Variants in CNTNAP2 observed in about 807,000 individuals in gnomAD.
CNTNAP2 encodes contactin associated protein 2, also known as contactin-associated protein-like 2.
CNTNAP2 carries 98 observed loss-of-function variants against 155.2 expected under a neutral mutation model. The observed-to-expected ratio is 0.63, with a 90% CI of 0.54 to 0.75. The LOEUF is 0.75. Ranked by LOEUF, CNTNAP2 falls within the 30% of genes least tolerant of loss-of-function variation. The pLI is 0.00. For synonymous variants in CNTNAP2, 651 were observed against 631.2 expected, an observed-to-expected ratio of 1.03 and a Z score of -0.47; for missense variants, 1,727 against 1,688.1, an observed-to-expected ratio of 1.02 and a Z score of -0.40.
At chr7:147,926,067 A>T (rs1800392314) in intron 14 of CNTNAP2, among the ~76,000 whole-genome samples, 1 of 152,198 alleles carries the variant, frequency 6.6e-6, no homozygotes, top group African/African-American at 2.4e-5. Context: ...AATATATTTA[A>T]TTACGCTCTA....
chr7:147,792,522 A>G (rs1584957550), intron 13 of CNTNAP2, among the ~76,000 whole-genome samples: 1 of 151,950 alleles, frequency 6.6e-6, no homozygotes, highest in East Asian at 1.9e-4. Flanking sequence ...GTGTATATAT[A>G]TATATCTTAG....
chr7:147,516,955 G>A (rs954156157), intron 11 of CNTNAP2, among the ~76,000 whole-genome samples: 9 of 148,376 alleles, frequency 6.1e-5, no homozygotes, highest in East Asian at 2.0e-4. Context: ...ACTGCCTCCC[G>A]GATTCAAGCG....
At chr7:148,345,882 G>A (rs906158314) in intron 21 of CNTNAP2, among the ~76,000 whole-genome samples, 1 of 152,030 alleles carries the variant, frequency 6.6e-6, no homozygotes, top group Non-Finnish European at 1.5e-5. Flanking sequence ...GATGTAAATA[G>A]TACTTAGCAG....
chr7:146,351,537 A>C (rs1234655159), intron 1 of CNTNAP2, among the ~76,000 whole-genome samples: 1 of 152,204 alleles, frequency 6.6e-6, no homozygotes, highest in African/African-American at 2.4e-5. Context: ...ATGTAACATG[A>C]ATACTCTTAT....
At chr7:146,195,847 C>T (rs1406719308) in intron 1 of CNTNAP2, among the ~76,000 whole-genome samples, 1 of 152,118 alleles carries the variant, frequency 6.6e-6, no homozygotes, top group Non-Finnish European at 1.5e-5. Flanking sequence ...TTGTATTTAC[C>T]ACATCATTTA....
At chr7:147,072,369 A>G (rs569775711) in intron 4 of CNTNAP2, among the ~76,000 whole-genome samples, 2 of 152,174 alleles carry the variant, frequency 1.3e-5, no homozygotes, top group South Asian at 2.1e-4. Flanking sequence ...CCACCAAACT[A>G]TCTTAAGCCA....
At chr7:148,307,510 G>T (rs2116510787) in intron 21 of CNTNAP2, among the ~76,000 whole-genome samples, 1 of 152,254 alleles carries the variant, frequency 6.6e-6, no homozygotes, top group South Asian at 2.1e-4. Context: ...TAAAAAGGTT[G>T]TTATCATCCC....
intron 13 of CNTNAP2, among the ~76,000 whole-genome samples, chr7:147,748,510 T>G (rs984256280): frequency 6.6e-6 from 1 of 152,184 alleles, no homozygotes; most frequent in Non-Finnish European, 1.5e-5. Flanking sequence ...ATTTTAGGTT[T>G]CATAAAATTA....
intron 8 of CNTNAP2, among the ~76,000 whole-genome samples, chr7:147,219,852 T>C (rs1803353836): frequency 6.6e-6 from 1 of 151,998 alleles, no homozygotes; most frequent in Non-Finnish European, 1.5e-5. Context: ...CTCGGCTCAC[T>C]GCAAGCTCCG....
At chr7:147,145,203 AAAT>A (rs1801677507) in intron 8 of CNTNAP2, among the ~76,000 whole-genome samples, 2 of 152,208 alleles carry the variant, frequency 1.3e-5, no homozygotes, top group Admixed American at 6.5e-5. Flanking sequence ...AAACCATGAC[AAAT>A]AATGCAGGCA....
At chr7:146,228,031 A>G (rs2430324) in intron 1 of CNTNAP2, among the ~76,000 whole-genome samples, 106,376 of 152,086 alleles carry the variant, frequency 0.7, 38,056 homozygotes, top group East Asian at 0.94. Context: ...CATGCACTCC[A>G]TCTTTGCACC....
intron 1 of CNTNAP2, among the ~76,000 whole-genome samples, chr7:146,234,188 G>T (rs1470376303): frequency 6.6e-6 from 1 of 151,486 alleles, no homozygotes; most frequent in Non-Finnish European, 1.5e-5. Flanking sequence ...TCTCATTGTG[G>T]TTTTGATTTG....
intron 1 of CNTNAP2, among the ~76,000 whole-genome samples, chr7:146,569,988 A>G (rs762510971): frequency 1.1e-4 from 17 of 152,328 alleles, no homozygotes; most frequent in Middle Eastern, 3.4e-3. Flanking sequence ...GGCTACGTGT[A>G]TATATCTTTT....
Position 147,248,701 on chromosome 7 carries a change from C to T in CNTNAP2, c.1349-51440C>T, listed in dbSNP as rs376798346. Among the ~76,000 whole-genome samples the T allele has an allele frequency of 1.0e-3, 159 of 152,296 alleles. 1 individual carries two copies. The highest frequency in any genetic ancestry group is 3.7e-3 in the African/African-American group (152 of 41,552). Reference sequence around the variant, plus strand: ...CATGCCCATAGTCTTGCTATTTAAACAATGATTATTAGGCCACTCCAGTGA... The same window carrying T: ...CATGCCCATAGTCTTGCTATTTAAATAATGATTATTAGGCCACTCCAGTGA... On this transcript the variant is annotated intron_variant, in intron 8 of 23. Coordinates refer to ENST00000361727, the MANE Select transcript of CNTNAP2 (RefSeq NM_014141.6).
chr7:146,259,754 G>A (rs1322798971), intron 1 of CNTNAP2, among the ~76,000 whole-genome samples: 5 of 152,186 alleles, frequency 3.3e-5, no homozygotes, highest in African/African-American at 1.2e-4. Flanking sequence ...GGAAAGCAGA[G>A]CATAAAAGTT....
intron 15 of CNTNAP2, among the ~76,000 whole-genome samples, chr7:148,094,679 C>T (rs898218226): frequency 1.3e-5 from 2 of 152,132 alleles, no homozygotes; most frequent in Non-Finnish European, 2.9e-5. Context: ...TTAGAAGAGA[C>T]CCTGAAGTTT....
At chr7:147,864,766 A>G (rs924887651) in intron 13 of CNTNAP2, among the ~76,000 whole-genome samples, 2 of 152,274 alleles carry the variant, frequency 1.3e-5, no homozygotes, top group African/African-American at 4.8e-5. Flanking sequence ...TGATTTTTGC[A>G]CATTGATTTT....
chr7:146,461,283 T>C (rs1055594345), intron 1 of CNTNAP2, among the ~76,000 whole-genome samples: 17 of 151,792 alleles, frequency 1.1e-4, no homozygotes, highest in African/African-American at 4.1e-4. Context: ...CAGGCACCTG[T>C]AGTCCCAGTT....
intron 1 of CNTNAP2, among the ~76,000 whole-genome samples, chr7:146,292,383 C>G (rs1444271181): frequency 6.6e-6 from 1 of 152,130 alleles, no homozygotes; most frequent in Non-Finnish European, 1.5e-5. Context: ...AGCAAACTAC[C>G]ATGGCGTATT....
Sources: allele counts gnomAD v4.1 joint callset (sites outside exome capture counted in the v4.1 genomes callset), GRCh38; gene constraint gnomAD v4.1.1; transcripts MANE v1.5; gene names NCBI Gene and HGNC (gene_info 2026-07-23, HGNC 2026-07-21).